TIAM2: variants seen among roughly 807,000 people sequenced by gnomAD.
The protein encoded by TIAM2 is TIAM Rac1 associated GEF 2, also known as rho guanine nucleotide exchange factor TIAM2.
TIAM2 carries 80 observed loss-of-function variants against 152.9 expected under a neutral mutation model. The ratio of observed to expected loss-of-function variants is 0.52; its 90% CI spans 0.44 to 0.63. The LOEUF (loss-of-function observed/expected upper bound fraction) is 0.63. TIAM2 is among the 30% of genes least tolerant of loss of function. The probability of loss-of-function intolerance (pLI) is 0.00; values close to 1 mark genes in which losing one functional copy is unlikely to be tolerated. For synonymous variants in TIAM2, 804 were observed against 838.0 expected, an observed-to-expected ratio of 0.96 and a Z score of 0.70; for missense variants, 1,965 against 2,120.1, an observed-to-expected ratio of 0.93 and a Z score of 1.44.
intron 1 of TIAM2, among the ~76,000 whole-genome samples, chr6:155,030,520 C>T (rs879561546): frequency 2.0e-5 from 3 of 152,260 alleles, no homozygotes; most frequent in Middle Eastern, 3.4e-3. Context: ...TTTTAACCTG[C>T]GTCCAAACCG....
rs1781789114 is a variant in TIAM2, at chr6:155,213,966, T to A, written c.3168+2659T>A. ...CTTTCGAGCCTGTGGGGGCAATGGGTCCTTCCTAGGCCCCTGAGAGTGCAG... is the reference window on the plus strand; with the variant it reads ...CTTTCGAGCCTGTGGGGGCAATGGGACCTTCCTAGGCCCCTGAGAGTGCAG... On this transcript the variant is annotated intron_variant, in intron 15 of 26. Transcript: ENST00000682666. The surrounding 1 kb of genome is among the most constrained non-coding windows in gnomAD (Gnocchi z 4.2). Among the ~76,000 whole-genome samples, 1 of 152,098 alleles carries A rather than the reference T, an allele frequency of 6.6e-6. No individual in the cohort carries two copies. Among genetic ancestry groups the A allele is most frequent in the African/African-American group, 2.4e-5 (1 of 41,416 alleles).
chr6:155,215,704 G>GT (rs1387034084), intron 15 of TIAM2, among the ~76,000 whole-genome samples: 2 of 144,220 alleles, frequency 1.4e-5, no homozygotes, highest in African/African-American at 2.6e-5. Context: ...CTGTTCCGTG[G>GT]TTTTTTTAAA....
intron 1 of TIAM2, among the ~76,000 whole-genome samples, chr6:155,042,511 C>T (rs1040221257): frequency 6.6e-6 from 1 of 152,292 alleles, no homozygotes; most frequent in African/African-American, 2.4e-5. Context: ...GAGAATCAAT[C>T]ACTTGAACCC....
chr6:155,244,029 G>A lies in TIAM2; in HGVS notation c.3367G>A (p.Glu1123Lys). The A allele has an allele frequency of 6.2e-7, 1 of 1,614,024 alleles. No homozygotes were observed. Among genetic ancestry groups the A allele is most frequent in the Non-Finnish European group, 8.5e-7 (1 of 1,180,006 alleles). The change falls in exon 17 of 27, where the codon GAA becomes AAA. Residue 1123 changes from glutamate (E) to lysine (K), a missense_variant. By Grantham distance (56) the Glu-to-Lys change is moderately conservative. This residue lies in a region of TIAM2 where 935 missense variants were observed against 980.0 expected (regional missense o/e 0.95). Transcript: ENST00000682666. ...CTTTCAGGATTTGAGCTGCCTCTTT[G>A]AATTATACTTGGAGCCACTTCAGAA... ...SYVKDLSCLF[E>K]LYLEPLQNET...
At position 155,159,664 on chromosome 6, in the gene TIAM2, CT is replaced by C. The variant is rs538103150; in HGVS notation, c.2029-4750del. 4.3e-4 allele frequency among the ~76,000 whole-genome samples: 65 copies of C among 152,238 alleles called. 1 individual carries two copies. In the South Asian group the frequency reaches 0.013, roughly 31 times the overall value. On this transcript the variant is annotated intron_variant, in intron 7 of 26. Transcript: ENST00000682666. The stretch of plus-strand genomic sequence containing the variant: ...CCAGCACTTGTACCTCTTCTTCCCT[CT>C]AAGGAACCCGAGCTTCTGAATCAGG...
At chr6:155,184,378 C>G (rs1175256992) in intron 14 of TIAM2, among the ~76,000 whole-genome samples, 1 of 152,202 alleles carries the variant, frequency 6.6e-6, no homozygotes, top group Admixed American at 6.5e-5. Flanking sequence ...TTAGTTTTCT[C>G]ACGGTAAGAC....
chr6:155,221,562 T>C (rs1292588967), intron 15 of TIAM2, among the ~76,000 whole-genome samples: 1 of 152,192 alleles, frequency 6.6e-6, no homozygotes, highest in Non-Finnish European at 1.5e-5. Context: ...TGGGATATGT[T>C]TGACCTTTTC....
chr6:155,245,629 C>T lies in TIAM2; in HGVS notation c.3550C>T (p.Leu1184=). The change falls in exon 19 of 27, where the codon CTG becomes TTG. Residue 1184 remains leucine (L), a synonymous_variant. Coordinates refer to ENST00000682666, the MANE Select transcript of TIAM2 (RefSeq NM_012454.4). The part of the protein sequence containing the change: ...LETPSQFRKL[L]FSLGGSFLYY... ...TTCCCCTCTGCCCTTCTAGAAATTA[C>T]TGTTTTCCCTTGGAGGCTCTTTCCT... The T allele has an allele frequency of 6.2e-7, 1 of 1,613,706 alleles. No homozygotes were observed.
At chr6:155,036,608 ATTTATTTATTTATTTATTATTTT>A (rs1034979702) in intron 1 of TIAM2, among the ~76,000 whole-genome samples, 4 of 143,924 alleles carry the variant, frequency 2.8e-5, no homozygotes, top group African/African-American at 1.0e-4. Flanking sequence ...TTATTTATTT[ATTTATTTATTTATTTATTATTTT>A]TTTGAGATGG....
At chr6:155,092,877 A>G (rs1778335110) in intron 2 of TIAM2, among the ~76,000 whole-genome samples, 1 of 152,210 alleles carries the variant, frequency 6.6e-6, no homozygotes, top group Non-Finnish European at 1.5e-5. Context: ...TTTTATATTT[A>G]TATATTTGGG....
At chr6:155,188,435 G>A (rs1781108979) in intron 14 of TIAM2, among the ~76,000 whole-genome samples, 1 of 152,218 alleles carries the variant, frequency 6.6e-6, no homozygotes, top group East Asian at 1.9e-4. Flanking sequence ...ATTTGATTTT[G>A]CCTAGAAGGG....
intron 7 of TIAM2, among the ~76,000 whole-genome samples, chr6:155,153,697 C>T (rs1780033712): frequency 6.7e-6 from 1 of 148,994 alleles, no homozygotes; most frequent in South Asian, 2.1e-4. Flanking sequence ...TCTCAGCTCA[C>T]TGCAACCTCC....
At chr6:155,098,816 C>A (rs749493810) in intron 2 of TIAM2, among the ~76,000 whole-genome samples, 4 of 152,192 alleles carry the variant, frequency 2.6e-5, no homozygotes, top group Admixed American at 6.5e-5. Flanking sequence ...TATTTGCACT[C>A]TTGTGAAAGT....
At chr6:155,029,408 TAATA>T (rs1562295036) in intron 1 of TIAM2, among the ~76,000 whole-genome samples, 2 of 98,704 alleles carry the variant, frequency 2.0e-5, no homozygotes, top group African/African-American at 7.9e-5. Context: ...ATAGTATATA[TAATA>T]TATACTATAT....
At position 155,123,758 on chromosome 6, in the gene TIAM2, G is replaced by A. The variant is rs12214921; in HGVS notation, c.-117-3732G>A. ...GCCTGTGCTGTGTGTGCTGCAGCTCGGGAGGGCTGACAAAGAGAGGTGGTT... is the reference window on the plus strand; with the variant it reads ...GCCTGTGCTGTGTGTGCTGCAGCTCAGGAGGGCTGACAAAGAGAGGTGGTT... On this transcript the variant is annotated intron_variant, in intron 2 of 26. Coordinates refer to ENST00000682666, the MANE Select transcript of TIAM2 (RefSeq NM_012454.4). 5.3e-3 allele frequency among the ~76,000 whole-genome samples: 813 copies of A among 152,232 alleles called. 2 individuals are homozygous for A. Among genetic ancestry groups the A allele is most frequent in the Non-Finnish European group, 6.5e-3 (441 of 68,010 alleles).
intron 21 of TIAM2, 149 bp from the exon 22 acceptor site, chr6:155,250,764 C>T (rs1053523875): frequency 1.8e-5 from 20 of 1,100,538 alleles, no homozygotes; most frequent in African/African-American, 9.5e-5. Flanking sequence ...AAAGCTCCAC[C>T]GTTTAAGGCC....
At chr6:155,188,530 A>G (rs1259910573) in intron 14 of TIAM2, among the ~76,000 whole-genome samples, 1 of 152,218 alleles carries the variant, frequency 6.6e-6, no homozygotes, top group Non-Finnish European at 1.5e-5. Flanking sequence ...ATCATCTGTA[A>G]AAACTTTTTA....
chr6:155,025,871 CACACAG>C (rs1460659413), intron 1 of TIAM2, among the ~76,000 whole-genome samples: 18 of 107,786 alleles, frequency 1.7e-4, no homozygotes, highest in African/African-American at 6.0e-4. Context: ...CACACACACA[CACACAG>C]AAAAGAAAGA....
intron 16 of TIAM2, among the ~76,000 whole-genome samples, chr6:155,242,459 G>A (rs961321419): frequency 1.1e-4 from 16 of 152,198 alleles, no homozygotes; most frequent in East Asian, 7.7e-4. Flanking sequence ...GCGGTCTGGC[G>A]TGGAATATGG....
Sources: gnomAD v4.1 joint callset for allele counts (sites outside exome capture counted in the v4.1 genomes callset) on GRCh38, gnomAD v4.1.1 for gene constraint, gnomAD v4.1.1 regional missense constraint, Gnocchi (gnomAD v3.1) non-coding constraint, MANE v1.5 for transcripts, NCBI Gene and HGNC (gene_info 2026-07-23, HGNC 2026-07-21) for gene names.